NEDD8: variants seen among roughly 807,000 people sequenced by gnomAD.
The protein encoded by NEDD8 is ubiquitin-like protein NEDD8.
NEDD8 carries 1 observed loss-of-function variant against 13.8 expected under a neutral mutation model. The observed-to-expected ratio is 0.07, with a 90% CI of 0.03 to 0.34. NEDD8 has a LOEUF of 0.34. Ranked by LOEUF, NEDD8 falls within the 10% of genes least tolerant of loss-of-function variation. NEDD8 has a pLI of 0.99. For synonymous variants in NEDD8, 31 were observed against 33.2 expected (o/e 0.93, Z 0.23); for missense variants, 10 against 95.2 (o/e 0.10, Z 3.73).
At chr14:24,226,444 TCA>T (rs1491196363) in intron 1 of NEDD8, among the ~76,000 whole-genome samples, 4 of 38,882 alleles carry the variant, frequency 1.0e-4, no homozygotes, top group East Asian at 7.7e-4. Context: ...AGACTCCATC[TCA>T]AAAAAAAAAA....
chr14:24,231,997 T>G (rs2040042999), intron 1 of NEDD8: 1 of 519,268 alleles, frequency 1.9e-6, no homozygotes, highest in African/African-American at 2.0e-5. Context: ...GCGACCCCAT[T>G]CTGGGTGATA....
intron 1 of NEDD8, chr14:24,218,771 A>G: frequency 3.0e-6 from 1 of 336,176 alleles, no homozygotes. Context: ...TTTGAGATGG[A>G]GTTTCGCTCT....
At chr14:24,231,496 G>T (rs1024541251) in intron 1 of NEDD8, among the ~76,000 whole-genome samples, 1 of 76,014 alleles carries the variant, frequency 1.3e-5, no homozygotes, top group African/African-American at 7.9e-5. Flanking sequence ...GGGGGGCGTG[G>T]GGGGGGGGGT....
chr14:24,221,222 G>A (rs2039802660), intron 1 of NEDD8, among the ~76,000 whole-genome samples: 1 of 151,846 alleles, frequency 6.6e-6, no homozygotes, highest in Admixed American at 6.6e-5. Flanking sequence ...GACAATTTGT[G>A]GTAACTTTAA....
intron 1 of NEDD8, among the ~76,000 whole-genome samples, chr14:24,230,679 C>T (rs1594498083): frequency 6.7e-6 from 1 of 148,722 alleles, no homozygotes; most frequent in Admixed American, 6.7e-5. Flanking sequence ...AGTGCAATGG[C>T]GCCATCTCAG....
intron 1 of NEDD8, among the ~76,000 whole-genome samples, chr14:24,219,595 CTT>C (rs1386723722): frequency 2.6e-5 from 4 of 151,662 alleles, no homozygotes; most frequent in African/African-American, 9.7e-5. Context: ...AATTGCAGCT[CTT>C]GTCTTCTTCC....
intron 1 of NEDD8, 65 bp from the exon 2 acceptor site, chr14:24,218,496 C>T (rs2039746067): frequency 1.2e-6 from 2 of 1,612,078 alleles, no homozygotes; most frequent in South Asian, 1.1e-5. Flanking sequence ...CTAGGTAAAA[C>T]ATCCTATGTT....
At chr14:24,224,887 G>A (rs2039864010) in intron 1 of NEDD8, among the ~76,000 whole-genome samples, 2 of 152,196 alleles carry the variant, frequency 1.3e-5, no homozygotes, top group South Asian at 4.1e-4. Context: ...AGCCCGTTGT[G>A]GTGTCTCATG....
chr14:24,217,109 G>A lies in NEDD8; in HGVS notation c.*18C>T. The A allele has an allele frequency of 1.2e-6, 2 of 1,600,562 alleles. No individual in the cohort carries two copies. Among genetic ancestry groups the A allele is most frequent in the Non-Finnish European group, 1.7e-6 (2 of 1,170,118 alleles). ...CTCATTATGAGCGACAGGGTAAAGAGGTAAAATGGAGGGTCCATCACTGCC... is the reference window on the plus strand; with the variant it reads ...CTCATTATGAGCGACAGGGTAAAGAAGTAAAATGGAGGGTCCATCACTGCC... On this transcript the variant is annotated 3_prime_UTR_variant, in exon 4 of 4. Coordinates refer to ENST00000250495, the MANE Select transcript of NEDD8 (RefSeq NM_006156.3).
intron 1 of NEDD8, chr14:24,227,168 G>T (rs1406981768): frequency 6.6e-6 from 1 of 152,162 alleles, no homozygotes; most frequent in Non-Finnish European, 1.5e-5. Context: ...TTTAGATTTT[G>T]TAATTACATG....
intron 1 of NEDD8, 22 bp from the exon 2 acceptor site, chr14:24,218,453 T>C (rs2039745350): frequency 6.2e-7 from 1 of 1,614,250 alleles, no homozygotes. Context: ...AATGGTTTCA[T>C]GAGTCCTTAA....
At chr14:24,226,779 GT>G (rs1300289144) in intron 1 of NEDD8, 1 of 152,126 alleles carries the variant, frequency 6.6e-6, no homozygotes, top group Non-Finnish European at 1.5e-5. Flanking sequence ...CAAACCCTTA[GT>G]TTCTTTTTAA....
intron 1 of NEDD8, among the ~76,000 whole-genome samples, chr14:24,223,061 G>C (rs1462646721): frequency 6.8e-6 from 1 of 147,694 alleles, no homozygotes; most frequent in Non-Finnish European, 1.5e-5. Flanking sequence ...ACTCCAGCCT[G>C]GGCAACAGAG....
intron 1 of NEDD8, among the ~76,000 whole-genome samples, chr14:24,229,277 TG>T (rs1177260097): frequency 6.6e-6 from 1 of 152,240 alleles, no homozygotes; most frequent in Non-Finnish European, 1.5e-5. Context: ...TGGAGTGCAA[TG>T]GCACGATCTT....
intron 1 of NEDD8, among the ~76,000 whole-genome samples, chr14:24,226,207 T>C (rs1400778547): frequency 6.6e-6 from 1 of 151,336 alleles, no homozygotes; most frequent in South Asian, 2.1e-4. Flanking sequence ...ACAAGGAAGT[T>C]CTGGCTGGGC....
At chr14:24,231,918 G>A (rs2040039458) in intron 1 of NEDD8, 3 of 327,670 alleles carry the variant, frequency 9.2e-6, no homozygotes, top group Non-Finnish European at 1.7e-5. Context: ...CTGAGAGACG[G>A]GGGAGTCAAG....
intron 1 of NEDD8, among the ~76,000 whole-genome samples, chr14:24,219,439 T>C (rs925542992): frequency 7.7e-6 from 1 of 130,480 alleles, no homozygotes; most frequent in Admixed American, 9.8e-5. Flanking sequence ...TAAGCCACGA[T>C]TGTGCCACTG....
At chr14:24,226,556 T>C (rs2039894979) in intron 1 of NEDD8, 2 of 152,078 alleles carry the variant, frequency 1.3e-5, no homozygotes, top group African/African-American at 4.8e-5. Context: ...CTATGGTGAA[T>C]GAAAATCAAT....
In NEDD8 at chr14:24,232,321, G is replaced by A. The variant is rs983160032; in HGVS notation, c.-54C>T. 6 of 1,608,988 alleles carry A rather than the reference G, an allele frequency of 3.7e-6. No individual in the cohort carries two copies. The highest frequency in any genetic ancestry group is 5.1e-6 in the Non-Finnish European group (6 of 1,178,524). Reference sequence around the variant, plus strand: ...ATAAATTGCTGCTCCTACCGCTCCGGTCGCCGCTGCCGCCCTCCAGCACTC... The same window carrying A: ...ATAAATTGCTGCTCCTACCGCTCCGATCGCCGCTGCCGCCCTCCAGCACTC... On this transcript the variant is annotated 5_prime_UTR_variant, in exon 1 of 4. Transcript: ENST00000250495.
Sources: gnomAD v4.1 joint callset for allele counts (sites outside exome capture counted in the v4.1 genomes callset) on GRCh38, gnomAD v4.1.1 for gene constraint, MANE v1.5 for transcripts, NCBI Gene and HGNC (gene_info 2026-07-23, HGNC 2026-07-21) for gene names.